Variants in TMEM9 observed in about 807,000 individuals in gnomAD.
TMEM9 encodes the protein proton-transporting V-type ATPase complex assembly regulator TMEM9.
TMEM9 carries 13 observed loss-of-function variants against 22.8 expected under a neutral mutation model. That is an observed-to-expected ratio of 0.57 (90% CI 0.37 to 0.91). The LOEUF is 0.91. TMEM9 is among the 40% of genes least tolerant of loss of function. The pLI is 0.01. For missense variants in TMEM9, 182 were observed against 238.1 expected (o/e 0.76, Z 1.55); for synonymous variants, 88 against 93.0 (o/e 0.95, Z 0.31).
chr1:201,136,698 C>T (rs764126459), intron 4 of TMEM9, among the ~76,000 whole-genome samples: 1 of 152,316 alleles, frequency 6.6e-6, no homozygotes, highest in African/African-American at 2.4e-5. Context: ...TCTGAAGCTC[C>T]GGAGCCTCTG....
At chr1:201,143,229 A>G (rs79054097) in intron 4 of TMEM9, among the ~76,000 whole-genome samples, 1 of 152,322 alleles carries the variant, frequency 6.6e-6, no homozygotes, top group Non-Finnish European at 1.5e-5. Flanking sequence ...AATGTGACCT[A>G]AATCTACTGG....
At chr1:201,149,874 C>G (rs7525970) in intron 2 of TMEM9, among the ~76,000 whole-genome samples, 1,863 of 152,304 alleles carry the variant, frequency 0.012, 38 homozygotes, top group African/African-American at 0.043. Flanking sequence ...CAGTCAAGGT[C>G]AGTGTCACTG....
chr1:201,163,318 G>A (rs1438328267), intron 1 of TMEM9, among the ~76,000 whole-genome samples: 3 of 151,896 alleles, frequency 2.0e-5, no homozygotes, highest in Non-Finnish European at 4.4e-5. Context: ...GGCCGGGCGC[G>A]GTGGCTCACA....
intron 1 of TMEM9, among the ~76,000 whole-genome samples, chr1:201,166,982 T>C (rs1235621285): frequency 1.3e-5 from 2 of 152,242 alleles, no homozygotes; most frequent in Non-Finnish European, 2.9e-5. Context: ...TTTTACAAAG[T>C]GTGCTATGTG....
At chr1:201,168,089 T>C (rs965881284) in intron 1 of TMEM9, among the ~76,000 whole-genome samples, 1 of 152,276 alleles carries the variant, frequency 6.6e-6, no homozygotes, top group African/African-American at 2.4e-5. Flanking sequence ...TTGTTCTATG[T>C]AGCAGTTCAT....
chr1:201,148,077 A>C (rs1406861672), intron 2 of TMEM9, among the ~76,000 whole-genome samples: 1 of 152,210 alleles, frequency 6.6e-6, no homozygotes. Flanking sequence ...TGGCCAGAGC[A>C]GGCTTAGTAA....
intron 1 of TMEM9, among the ~76,000 whole-genome samples, chr1:201,152,562 A>G (rs1665515662): frequency 6.6e-6 from 1 of 152,214 alleles, no homozygotes; most frequent in Admixed American, 6.5e-5. Context: ...GGAGTCCCAG[A>G]ACTTAGGTGG....
At chr1:201,157,666 C>T (rs371343369), upstream of TMEM9, among the ~76,000 whole-genome samples, 4 of 152,196 alleles carry the variant, frequency 2.6e-5, no homozygotes, top group Admixed American at 6.5e-5. Flanking sequence ...ACAAGACAAA[C>T]CCTGTCCCTG....
chr1:201,155,413 C>T (rs1217902309), upstream of TMEM9, among the ~76,000 whole-genome samples: 1 of 152,190 alleles, frequency 6.6e-6, no homozygotes, highest in African/African-American at 2.4e-5. Flanking sequence ...CAGGTGGAAT[C>T]AAGCCCCTCG....
intron 3 of TMEM9, 93 bp from the exon 4 acceptor site, chr1:201,144,044 G>A (rs1160807038): frequency 2.1e-6 from 3 of 1,435,728 alleles, no homozygotes; most frequent in Non-Finnish European, 2.9e-6. Context: ...CCGGCTGGCA[G>A]TGACTCCTCA....
intron 2 of TMEM9, 91 bp downstream of exon 2, chr1:201,151,670 G>T: frequency 1.1e-6 from 1 of 904,442 alleles, no homozygotes; most frequent in Non-Finnish European, 1.8e-6. Context: ...GAATGGGAGA[G>T]CATGCTTATC....
chr1:201,152,082 A>T (rs113872228), intron 1 of TMEM9, among the ~76,000 whole-genome samples: 1 of 152,120 alleles, frequency 6.6e-6, no homozygotes, highest in Non-Finnish European at 1.5e-5. Context: ...GGCAAATGAG[A>T]CTCACAGAAA....
In TMEM9 at chr1:201,146,734, C is replaced by T. The variant is rs1159863331; in HGVS notation, c.267+6G>A. The stretch of plus-strand genomic sequence containing the variant: ...TCCCACTGGCTTCCTGAGACCCTGG[C>T]GTTACCTTGATGGTGGTGGTGCTGC... On this transcript the variant is annotated splice_donor_region_variant and intron_variant, in intron 3 of 4. Coordinates refer to ENST00000367330, the MANE Select transcript of TMEM9 (RefSeq NM_001288565.2). 8.1e-6 allele frequency: 13 copies of T among 1,613,836 alleles called. No individual in the cohort carries two copies. Among genetic ancestry groups the T allele is most frequent in the Admixed American group, 5.0e-5 (3 of 60,012 alleles).
At chr1:201,150,346 C>T (rs1665323063) in intron 2 of TMEM9, among the ~76,000 whole-genome samples, 1 of 152,144 alleles carries the variant, frequency 6.6e-6, no homozygotes, top group Non-Finnish European at 1.5e-5. Flanking sequence ...TATGTGGCCA[C>T]CAGTAAGGCA....
At chr1:201,153,569 T>C (rs1665602708) in intron 1 of TMEM9, among the ~76,000 whole-genome samples, 1 of 152,206 alleles carries the variant, frequency 6.6e-6, no homozygotes, top group South Asian at 2.1e-4. Context: ...AAGGAAGGTA[T>C]GGAGAACTTA....
chr1:201,138,476 A>G (rs1046206407), intron 4 of TMEM9, among the ~76,000 whole-genome samples: 3 of 152,170 alleles, frequency 2.0e-5, no homozygotes, highest in Admixed American at 6.5e-5. Flanking sequence ...GGTGGGTGGA[A>G]GTGGGAGAAA....
At chr1:201,169,246 A>G (rs1445046499) in intron 1 of TMEM9, among the ~76,000 whole-genome samples, 5 of 152,236 alleles carry the variant, frequency 3.3e-5, no homozygotes, top group African/African-American at 1.2e-4. Flanking sequence ...TCCCACTTAC[A>G]CAAATATGAG....
Position 201,151,712 on chromosome 1 carries a change from A to G in TMEM9, c.158+49T>C, listed in dbSNP as rs777964266. ...GGTCCAAGAACTCTAGTAAACACCC[A>G]TAACTTCAACTGGGTATAGCAGCCA... On this transcript the variant is annotated intron_variant, in intron 2 of 4. Transcript: ENST00000367330. 19 of 1,439,844 alleles carry G rather than the reference A, an allele frequency of 1.3e-5. No homozygotes were observed. The South Asian group carries it at 2.1e-4, about 16-fold the overall frequency. The allele number at this position is 1,439,844 out of a possible 1,614,324, so 89.2% of individuals were successfully genotyped here. A position where few individuals can be genotyped will look rare whatever the true frequency, so the allele number is the denominator to read the frequency against.
intron 1 of TMEM9, among the ~76,000 whole-genome samples, chr1:201,162,163 G>A (rs990052307): frequency 1.3e-5 from 2 of 149,890 alleles, no homozygotes; most frequent in African/African-American, 2.5e-5. Context: ...AAACAAATAT[G>A]CCCAATTGAT....
Sources: allele counts gnomAD v4.1 joint callset (sites outside exome capture counted in the v4.1 genomes callset), GRCh38; gene constraint gnomAD v4.1.1; transcripts MANE v1.5; gene names NCBI Gene and HGNC (gene_info 2026-07-23, HGNC 2026-07-21).